The following LRRC20 variants were observed in gnomAD, a reference collection of about 807,000 sequenced individuals.
The protein encoded by LRRC20 is leucine-rich repeat-containing protein 20.
LRRC20 carries 11 observed loss-of-function variants against 14.4 expected under a neutral mutation model. That is an observed-to-expected ratio of 0.77 (90% CI 0.48 to 1.27). LRRC20 has a LOEUF of 1.27. Among genes scored for constraint, LRRC20 ranks in the 50% most tolerant of loss-of-function variants. LRRC20 has a pLI of 0.00. For missense variants in LRRC20, 219 were observed against 251.2 expected, an observed-to-expected ratio of 0.87 and a Z score of 0.87; for synonymous variants, 121 against 107.3, an observed-to-expected ratio of 1.13 and a Z score of -0.79.
chr10:70,325,499 T>A (rs745505936), intron 3 of LRRC20, among the ~76,000 whole-genome samples: 36 of 152,294 alleles, frequency 2.4e-4, no homozygotes, highest in Non-Finnish European at 4.9e-4. Flanking sequence ...TCCCTCACCC[T>A]CACCCAGGGC....
rs189449750 is a variant in LRRC20 at position 70,338,723 on chromosome 10, C to T, written c.232+1830G>A. ...TCACCCAGGCTGGAGTGCAGTGGCA[C>T]GATCGCAGCTCACTGCAACCTCCAC... On this transcript the variant is annotated intron_variant, in intron 3 of 4. Transcript: ENST00000446961. Among the ~76,000 whole-genome samples the T allele has an allele frequency of 2.1e-3, 319 of 152,264 alleles. 1 individual carries two copies. The highest frequency in any genetic ancestry group is 3.1e-3 in the Non-Finnish European group (211 of 68,020).
chr10:70,301,469 C>T lies in LRRC20; in HGVS notation c.440G>A (p.Arg147His), dbSNP rs139873050. 8.6e-5 allele frequency: 138 copies of T among 1,613,930 alleles called. No homozygotes were observed. Among genetic ancestry groups the T allele is most frequent in the Middle Eastern group, 1.6e-4 (1 of 6,084 alleles). ...TGGGTTGAAGCGGAGGTTGATGCTGCGCAAGGCTGGCATGGCGGCCAGCTT... is the reference window on the plus strand; with the variant it reads ...TGGGTTGAAGCGGAGGTTGATGCTGTGCAAGGCTGGCATGGCGGCCAGCTT... The part of the protein sequence containing the change: ...VEKLAAMPAL[R>H]SINLRFNPLN... The change falls in exon 5 of 5, where the codon CGC becomes CAC. Residue 147 changes from arginine to histidine, a missense_variant. Physicochemically the swap from Arg to His is conservative, Grantham distance 29 (BLOSUM62 0). Coordinates refer to ENST00000446961, the MANE Select transcript of LRRC20 (RefSeq NM_001278212.2).
chr10:70,348,107 AC>A (rs1843147851), intron 2 of LRRC20, among the ~76,000 whole-genome samples: 2 of 152,070 alleles, frequency 1.3e-5, no homozygotes, highest in Non-Finnish European at 2.9e-5. Context: ...CCCCTCCAGT[AC>A]CCACCAGAGG....
intron 2 of LRRC20, among the ~76,000 whole-genome samples, chr10:70,366,715 T>C (rs1844013917): frequency 6.6e-6 from 1 of 152,176 alleles, no homozygotes; most frequent in Admixed American, 6.5e-5. Flanking sequence ...TCTATACCTG[T>C]GGGTTTTGTA....
chr10:70,300,356 C>G lies in LRRC20; in HGVS notation c.*998G>C. ...GGTCACCCTGTTGCCTGACCATACCCTAAGATGCCAGGTTGAGGGCCTCAG... is the reference window on the plus strand; with the variant it reads ...GGTCACCCTGTTGCCTGACCATACCGTAAGATGCCAGGTTGAGGGCCTCAG... On this transcript the variant is annotated 3_prime_UTR_variant, in exon 5 of 5. Coordinates refer to ENST00000446961, the MANE Select transcript of LRRC20 (RefSeq NM_001278212.2). 1.0e-6 allele frequency: 1 copy of G among 985,462 alleles called. No individual in the cohort carries two copies. The highest frequency in any genetic ancestry group is 1.2e-6 in the Non-Finnish European group (1 of 829,932). 61.0% of individuals were successfully genotyped at this position (985,462 alleles called of 1,614,324 possible).
intron 2 of LRRC20, among the ~76,000 whole-genome samples, chr10:70,360,771 T>C (rs77579616): frequency 0.048 from 7,325 of 152,128 alleles, 224 homozygotes; most frequent in South Asian, 0.097. Flanking sequence ...TCTGTCAGGG[T>C]CCCTATCCCG....
intron 3 of LRRC20, among the ~76,000 whole-genome samples, chr10:70,326,697 G>C (rs1842336868): frequency 6.6e-6 from 1 of 152,180 alleles, no homozygotes; most frequent in Admixed American, 6.5e-5. Context: ...CTGTCACCCA[G>C]GCTGGAGTGC....
intron 2 of LRRC20, among the ~76,000 whole-genome samples, chr10:70,375,969 G>A (rs149362452): frequency 0.017 from 2,543 of 152,222 alleles, 38 homozygotes; most frequent in Non-Finnish European, 0.025. Flanking sequence ...GAAAAATAGT[G>A]GAGTGTAAAG....
intron 4 of LRRC20, among the ~76,000 whole-genome samples, chr10:70,313,476 C>G (rs1196171235): frequency 1.3e-5 from 2 of 152,226 alleles, no homozygotes; most frequent in East Asian, 3.9e-4. Context: ...CTGGAATCAT[C>G]TGGATAAAAC....
At chr10:70,347,483 A>G (rs951575528) in intron 2 of LRRC20, among the ~76,000 whole-genome samples, 1 of 152,098 alleles carries the variant, frequency 6.6e-6, no homozygotes, top group African/African-American at 2.4e-5. Flanking sequence ...TCTACACACC[A>G]TCCCAACCTC....
chr10:70,313,999 T>A (rs983072115), intron 4 of LRRC20, among the ~76,000 whole-genome samples: 9 of 152,102 alleles, frequency 5.9e-5, no homozygotes, highest in African/African-American at 2.2e-4. Flanking sequence ...GAAAGGCATG[T>A]CTTACATGGT....
At chr10:70,343,003 A>C (rs1467611851) in intron 2 of LRRC20, among the ~76,000 whole-genome samples, 1 of 152,242 alleles carries the variant, frequency 6.6e-6, no homozygotes, top group Admixed American at 6.5e-5. Context: ...GCAATAAAAT[A>C]TGGTTTTAAA....
intron 2 of LRRC20, among the ~76,000 whole-genome samples, chr10:70,342,930 G>C (rs1589092474): frequency 6.6e-6 from 1 of 152,108 alleles, no homozygotes; most frequent in East Asian, 1.9e-4. Context: ...GCTCTCCCAG[G>C]CTTCTAAGCC....
intron 2 of LRRC20, among the ~76,000 whole-genome samples, chr10:70,363,069 G>A (rs779752918): frequency 3.3e-5 from 5 of 151,160 alleles, no homozygotes; most frequent in African/African-American, 7.3e-5. Flanking sequence ...CCAGGAGTTC[G>A]AGACTAGTCT....
At chr10:70,330,685 T>C (rs1468585669) in intron 3 of LRRC20, among the ~76,000 whole-genome samples, 1 of 152,160 alleles carries the variant, frequency 6.6e-6, no homozygotes, top group Non-Finnish European at 1.5e-5. Flanking sequence ...TGCATCCTGA[T>C]GGGGTGGGGA....
chr10:70,325,453 C>T lies in LRRC20; in HGVS notation c.233-1423G>A, dbSNP rs115656520. 9.3e-3 allele frequency among the ~76,000 whole-genome samples: 1,410 copies of T among 152,296 alleles called. 22 individuals are homozygous for T. Among genetic ancestry groups the T allele is most frequent in the African/African-American group, 0.032 (1,346 of 41,538 alleles). On this transcript the variant is annotated intron_variant, in intron 3 of 4. Coordinates refer to ENST00000446961, the MANE Select transcript of LRRC20 (RefSeq NM_001278212.2). The stretch of plus-strand genomic sequence containing the variant: ...GAGGGTCAGAATCAGGCTTGTGTTC[C>T]ATGTGTCTCAGGGTGGAGCACGCAG...
intron 4 of LRRC20, among the ~76,000 whole-genome samples, chr10:70,323,277 AGGAAGGAGAGACCGC>A (rs1842167559): frequency 6.6e-6 from 1 of 152,064 alleles, no homozygotes; most frequent in Non-Finnish European, 1.5e-5. Flanking sequence ...TCGCTGCAAG[AGGAAGGAGAGACCGC>A]TTCCTGACCT....
chr10:70,366,168 G>A (rs1407930396), intron 2 of LRRC20, among the ~76,000 whole-genome samples: 2 of 151,684 alleles, frequency 1.3e-5, no homozygotes, highest in African/African-American at 4.8e-5. Context: ...CATGCCTGTA[G>A]TCCCAGCACT....
intron 3 of LRRC20, among the ~76,000 whole-genome samples, chr10:70,325,702 C>CATCT (rs1842289654): frequency 6.6e-6 from 1 of 152,228 alleles, no homozygotes; most frequent in African/African-American, 2.4e-5. Flanking sequence ...GTCAGTCCAG[C>CATCT]ATCTGGTAAG....
Sources: allele counts gnomAD v4.1 joint callset (sites outside exome capture counted in the v4.1 genomes callset), GRCh38; gene constraint gnomAD v4.1.1; transcripts MANE v1.5; gene names NCBI Gene and HGNC (gene_info 2026-07-23, HGNC 2026-07-21).